The following ARHGEF6 variants were observed in gnomAD, a reference collection of about 807,000 sequenced individuals.
The protein encoded by ARHGEF6 is Rac/Cdc42 guanine nucleotide exchange factor 6.
A neutral mutation model predicts 70.3 loss-of-function variants in ARHGEF6; 9 were observed. That is an observed-to-expected ratio of 0.13 (90% confidence interval 0.08 to 0.22). The LOEUF (loss-of-function observed/expected upper bound fraction) is 0.22, where lower values mean the gene tolerates loss of function less well. ARHGEF6 is among the 10% of genes least tolerant of loss of function. The pLI, the probability that ARHGEF6 is intolerant of heterozygous loss-of-function variation, is 1.00. For synonymous variants in ARHGEF6, 201 were observed against 207.8 expected (o/e 0.97, Z 0.28); for missense variants, 470 against 563.0 (o/e 0.83, Z 1.67).
intron 6 of ARHGEF6, among the ~76,000 whole-genome samples, chrX:136,726,611 G>A (rs2076855225): frequency 8.9e-6 from 1 of 112,018 alleles, no homozygotes; most frequent in African/African-American, 3.2e-5. Flanking sequence ...AGGCTTCCTA[G>A]GATTTTTGTA....
rs151027034 is a variant in ARHGEF6 at position 136,697,311 on chromosome X, A to C, written c.1047-6563T>G. Among the ~76,000 whole-genome samples, 220 of 112,054 alleles carry C rather than the reference A, an allele frequency of 2.0e-3. 2 individuals carry two copies. Among genetic ancestry groups the C allele is most frequent in the Non-Finnish European group, 4.3e-4 (23 of 53,211 alleles). ...AGGAGGCAGGTAGCTCCTGTCACTTAAGTGCAAAAAGCTAACCCATAGGCC... is the reference window on the plus strand; with the variant it reads ...AGGAGGCAGGTAGCTCCTGTCACTTCAGTGCAAAAAGCTAACCCATAGGCC... On this transcript the variant is annotated intron_variant, in intron 9 of 21. Transcript: ENST00000250617.
intron 19 of ARHGEF6, among the ~76,000 whole-genome samples, chrX:136,673,068 C>CA (rs748337588): frequency 1.1e-3 from 126 of 112,222 alleles, no homozygotes; most frequent in African/African-American, 4.0e-3. Flanking sequence ...TCAGAAAAAA[C>CA]AAAAAACAAT....
intron 6 of ARHGEF6, among the ~76,000 whole-genome samples, chrX:136,729,187 G>T (rs937787860): frequency 9.4e-6 from 1 of 106,695 alleles, no homozygotes; most frequent in Non-Finnish European, 1.9e-5. Flanking sequence ...AACAGGTCTG[G>T]CTGGGAGCAG....
intron 9 of ARHGEF6, among the ~76,000 whole-genome samples, chrX:136,704,083 T>C (rs10126808): frequency 0.057 from 6,410 of 112,097 alleles, 473 homozygotes; most frequent in African/African-American, 0.2. Flanking sequence ...AATGAAAAGA[T>C]AGCTAACTGA....
At chrX:136,688,539 G>A (rs767929644) in intron 10 of ARHGEF6, among the ~76,000 whole-genome samples, 113 of 110,308 alleles carry the variant, frequency 1.0e-3, no homozygotes, top group Non-Finnish European at 1.7e-3. Flanking sequence ...CATGCCTATA[G>A]TCCCAGCTAC....
chrX:136,764,505 G>A (rs1264404273), intron 2 of ARHGEF6, among the ~76,000 whole-genome samples: 2 of 112,132 alleles, frequency 1.8e-5, no homozygotes, highest in Admixed American at 9.4e-5. Context: ...ATATTATGCT[G>A]AGTGAAAGAA....
chrX:136,675,184 G>C (rs1183689187), intron 18 of ARHGEF6, 88 bp from the exon 19 acceptor site: 2 of 804,490 alleles, frequency 2.5e-6, no homozygotes, highest in African/African-American at 2.0e-5. Context: ...CCTGGGACTG[G>C]CTTCTCTGAC....
chrX:136,750,888 C>T (rs138692613), intron 2 of ARHGEF6, among the ~76,000 whole-genome samples: 3,943 of 109,403 alleles, frequency 0.036, 211 homozygotes, highest in African/African-American at 0.12. Context: ...CTGCAACCTC[C>T]GCCTCCCAGT....
intron 9 of ARHGEF6, among the ~76,000 whole-genome samples, chrX:136,699,511 A>C (rs1023534793): frequency 8.9e-6 from 1 of 112,129 alleles, no homozygotes; most frequent in African/African-American, 3.2e-5. Flanking sequence ...ATAATTAAAA[A>C]AATACTGAAC....
At chrX:136,780,697 G>A in intron 1 of ARHGEF6, 21 bp downstream of exon 1, 1 of 1,201,536 alleles carries the variant, frequency 8.3e-7, no homozygotes, top group Non-Finnish European at 1.1e-6. Flanking sequence ...CAATCCCAAA[G>A]AGACTGCAAA....
intron 5 of ARHGEF6, among the ~76,000 whole-genome samples, chrX:136,738,696 C>A (rs1367527343): frequency 8.9e-6 from 1 of 112,619 alleles, no homozygotes; most frequent in African/African-American, 3.2e-5. Context: ...GAGACTGACA[C>A]CCTCATTAAG....
At chrX:136,758,891 G>A (rs1459923529) in intron 2 of ARHGEF6, among the ~76,000 whole-genome samples, 1 of 111,641 alleles carries the variant, frequency 9.0e-6, no homozygotes, top group Non-Finnish European at 1.9e-5. Context: ...GTCTATGCCA[G>A]GCAGTAATAC....
Position 136,667,948 on chromosome X carries a change from G to A in ARHGEF6, c.*81C>T. 8.7e-7 allele frequency: 1 copy of A among 1,152,530 alleles called. No homozygotes were observed. Among genetic ancestry groups the A allele is most frequent in the Non-Finnish European group, 1.2e-6 (1 of 843,623 alleles). 95.0% of individuals were successfully genotyped at this position (1,152,530 alleles called of 1,213,427 possible). On this transcript the variant is annotated 3_prime_UTR_variant, in exon 22 of 22. Transcript: ENST00000250617. Reference sequence around the variant, plus strand: ...CAAACACAAAACAAAAGCCAAAGAAGTGAGCAAACTGAGTCAAATCATTCA... The same window carrying A: ...CAAACACAAAACAAAAGCCAAAGAAATGAGCAAACTGAGTCAAATCATTCA...
chrX:136,711,443 A>G (rs1011997301), intron 7 of ARHGEF6, among the ~76,000 whole-genome samples: 1 of 111,980 alleles, frequency 8.9e-6, no homozygotes, highest in Non-Finnish European at 1.9e-5. Context: ...AGAGATAGTC[A>G]TTTCTCCCAG....
intron 12 of ARHGEF6, among the ~76,000 whole-genome samples, chrX:136,685,284 A>T (rs2076372777): frequency 9.0e-6 from 1 of 111,604 alleles, no homozygotes; most frequent in Non-Finnish European, 1.9e-5. Context: ...TTGAGATTGC[A>T]AAATCGAACA....
intron 9 of ARHGEF6, among the ~76,000 whole-genome samples, chrX:136,704,468 C>T (rs1335270034): frequency 2.7e-5 from 3 of 112,140 alleles, no homozygotes; most frequent in Non-Finnish European, 5.6e-5. Flanking sequence ...CTGTATTAGT[C>T]CGTTTTCACA....
At chrX:136,695,371 A>G (rs1270844683) in intron 9 of ARHGEF6, among the ~76,000 whole-genome samples, 1 of 112,769 alleles carries the variant, frequency 8.9e-6, no homozygotes, top group African/African-American at 3.2e-5. Flanking sequence ...AAAATTAAAC[A>G]GGGCATTATA....
chrX:136,767,850 CAG>C, intron 2 of ARHGEF6: 1 of 432,545 alleles, frequency 2.3e-6, no homozygotes, highest in African/African-American at 3.2e-5. Context: ...GCAGCAGCAG[CAG>C]CAGCAGCAGC....
intron 6 of ARHGEF6, among the ~76,000 whole-genome samples, chrX:136,727,463 TTC>T (rs2076880993): frequency 9.8e-6 from 1 of 101,684 alleles, no homozygotes; most frequent in African/African-American, 3.6e-5. Context: ...CTTTCCTTCT[TTC>T]TTTCTCTCTT....
Sources: gnomAD v4.1 joint callset for allele counts (sites outside exome capture counted in the v4.1 genomes callset) on GRCh38, gnomAD v4.1.1 for gene constraint, MANE v1.5 for transcripts, NCBI Gene and HGNC (gene_info 2026-07-23, HGNC 2026-07-21) for gene names.